The following RSRC1 variants were observed in gnomAD, a reference collection of about 807,000 sequenced individuals.
RSRC1 encodes serine/Arginine-related protein 53.
In RSRC1, 39 loss-of-function variants were observed where a neutral mutation model predicts 49.1. That is an observed-to-expected ratio of 0.79 (90% CI 0.61 to 1.04). The LOEUF (loss-of-function observed/expected upper bound fraction) is 1.04, where lower values mean the gene tolerates loss of function less well. RSRC1 is among the 50% of genes least tolerant of loss of function. The probability of loss-of-function intolerance (pLI) is 0.00; values close to 1 mark genes in which losing one functional copy is unlikely to be tolerated. For synonymous variants in RSRC1, 143 were observed against 130.8 expected, an observed-to-expected ratio of 1.09 and a Z score of -0.63; for missense variants, 388 against 402.4, an observed-to-expected ratio of 0.96 and a Z score of 0.31.
At chr3:158,461,568 T>C (rs1433150398) in intron 7 of RSRC1, among the ~76,000 whole-genome samples, 1 of 151,958 alleles carries the variant, frequency 6.6e-6, no homozygotes, top group Non-Finnish European at 1.5e-5. Flanking sequence ...CTTAATTTGC[T>C]ATCTGTGATT....
At chr3:158,187,206 T>A (rs1360213489) in intron 3 of RSRC1, among the ~76,000 whole-genome samples, 1 of 151,918 alleles carries the variant, frequency 6.6e-6, no homozygotes, top group Non-Finnish European at 1.5e-5. Context: ...AAGGAGATGA[T>A]TACAACAGCT....
At chr3:158,526,844 A>G (rs777671214) in intron 7 of RSRC1, among the ~76,000 whole-genome samples, 1 of 151,942 alleles carries the variant, frequency 6.6e-6, no homozygotes, top group East Asian at 1.9e-4. Flanking sequence ...TGACATCACA[A>G]AAGAACAGAT....
At chr3:158,288,423 T>G (rs774319324) in intron 4 of RSRC1, among the ~76,000 whole-genome samples, 1 of 152,176 alleles carries the variant, frequency 6.6e-6, no homozygotes, top group Non-Finnish European at 1.5e-5. Context: ...TCCAAACAAC[T>G]GGCCATGACT....
At chr3:158,447,947 A>AT (rs1438401790) in intron 6 of RSRC1, among the ~76,000 whole-genome samples, 11 of 152,020 alleles carry the variant, frequency 7.2e-5, no homozygotes, top group East Asian at 1.9e-4. Context: ...CTCTTTAAAA[A>AT]ATATATATAC....
intron 3 of RSRC1, among the ~76,000 whole-genome samples, chr3:158,146,701 A>G (rs1488041470): frequency 6.6e-6 from 1 of 152,156 alleles, no homozygotes; most frequent in Non-Finnish European, 1.5e-5. Context: ...TTCAGAAGGA[A>G]TGGTACCAGC....
At chr3:158,414,337 G>A (rs1482676944) in intron 6 of RSRC1, among the ~76,000 whole-genome samples, 1 of 152,100 alleles carries the variant, frequency 6.6e-6, no homozygotes, top group Non-Finnish European at 1.5e-5. Flanking sequence ...ACTAATAAGT[G>A]AGAGCTGAAC....
chr3:158,442,324 T>C (rs1171980743), intron 6 of RSRC1, among the ~76,000 whole-genome samples: 1 of 152,162 alleles, frequency 6.6e-6, no homozygotes, highest in Admixed American at 6.6e-5. Context: ...TTGGAGTCAA[T>C]CCTCTCAAAC....
At chr3:158,264,564 G>C (rs1293793332) in intron 4 of RSRC1, among the ~76,000 whole-genome samples, 2 of 152,106 alleles carry the variant, frequency 1.3e-5, no homozygotes, top group Non-Finnish European at 2.9e-5. Flanking sequence ...TGTCCTTTCT[G>C]ATTATCCACT....
chr3:158,169,236 A>C (rs1272510706), intron 3 of RSRC1, among the ~76,000 whole-genome samples: 2 of 152,142 alleles, frequency 1.3e-5, no homozygotes, highest in Non-Finnish European at 2.9e-5. Context: ...AGAGGGATGA[A>C]AACTCAAAGG....
chr3:158,146,817 G>T lies in RSRC1; in HGVS notation c.320+22826G>T, dbSNP rs1026193672. 7.2e-5 allele frequency among the ~76,000 whole-genome samples: 11 copies of T among 152,234 alleles called. No homozygotes were observed. In the East Asian group the frequency reaches 2.1e-3, roughly 29 times the overall value. ...TGCCTCAATTTCAGAGCCTGTTATTGGTCTATTCAGAGATTTAGCTTCTTC... is the reference window on the plus strand; with the variant it reads ...TGCCTCAATTTCAGAGCCTGTTATTTGTCTATTCAGAGATTTAGCTTCTTC... On this transcript the variant is annotated intron_variant, in intron 3 of 9. Transcript: ENST00000611884.
chr3:158,367,762 CT>C (rs202164370), intron 6 of RSRC1, among the ~76,000 whole-genome samples: 3 of 150,086 alleles, frequency 2.0e-5, no homozygotes, highest in Admixed American at 6.7e-5. Context: ...TTAGTTAAAG[CT>C]TTTTTTTTCA....
At chr3:158,382,852 AT>A (rs1732772438) in intron 6 of RSRC1, among the ~76,000 whole-genome samples, 1 of 151,998 alleles carries the variant, frequency 6.6e-6, no homozygotes, top group Non-Finnish European at 1.5e-5. Context: ...TAACTCTTGA[AT>A]TTTTTTGGAG....
intron 3 of RSRC1, among the ~76,000 whole-genome samples, chr3:158,180,711 G>A (rs1044681288): frequency 4.0e-5 from 6 of 150,912 alleles, no homozygotes; most frequent in African/African-American, 1.5e-4. Flanking sequence ...CAAGTGATTC[G>A]CCTGCCTCGG....
intron 7 of RSRC1, among the ~76,000 whole-genome samples, chr3:158,475,132 C>G (rs370885630): frequency 5.3e-5 from 8 of 151,910 alleles, no homozygotes; most frequent in African/African-American, 1.9e-4. Context: ...CTATGTTGCC[C>G]AGGCTGGTCT....
chr3:158,396,466 G>A (rs1356267363), intron 6 of RSRC1, among the ~76,000 whole-genome samples: 1 of 151,120 alleles, frequency 6.6e-6, no homozygotes, highest in Non-Finnish European at 1.5e-5. Flanking sequence ...AGGAAAATAA[G>A]CATCTGTGAT....
intron 4 of RSRC1, among the ~76,000 whole-genome samples, chr3:158,245,140 C>CCTTTTTTTTTTTTTTTTGTTTTTTTTTTT (rs372285444): frequency 6.8e-6 from 1 of 146,184 alleles, no homozygotes; most frequent in Non-Finnish European, 1.5e-5. Context: ...ATGTTTCTGG[C>CCTTTTTTTTTTTTTTTTGTTTTTTTTTTT]TTTTTGATGT....
At chr3:158,530,913 T>TAAAAA (rs200580489) in intron 7 of RSRC1, among the ~76,000 whole-genome samples, 1 of 95,628 alleles carries the variant, frequency 1.0e-5, no homozygotes, top group Non-Finnish European at 2.1e-5. Flanking sequence ...AAATAATAAA[T>TAAAAA]AAAAAAAAAA....
chr3:158,494,344 A>G (rs889263066), intron 7 of RSRC1, among the ~76,000 whole-genome samples: 12 of 152,214 alleles, frequency 7.9e-5, no homozygotes, highest in Admixed American at 2.0e-4. Context: ...TAAATGGTAC[A>G]TCTATATAGG....
At chr3:158,191,282 A>C (rs190167568) in intron 3 of RSRC1, among the ~76,000 whole-genome samples, 12 of 152,236 alleles carry the variant, frequency 7.9e-5, no homozygotes, top group Admixed American at 5.2e-4. Context: ...TCATCCTGAC[A>C]TGGAATCCAT....
Sources: allele counts gnomAD v4.1 joint callset (sites outside exome capture counted in the v4.1 genomes callset), GRCh38; gene constraint gnomAD v4.1.1; transcripts MANE v1.5; gene names NCBI Gene and HGNC (gene_info 2026-07-23, HGNC 2026-07-21).